The following RAPGEF2 variants were observed in gnomAD, a reference collection of about 807,000 sequenced individuals.
The protein encoded by RAPGEF2 is Rap guanine nucleotide exchange factor 2, also known as PDZ domain containing guanine nucleotide exchange factor (GEF) 1.
RAPGEF2 carries 54 observed loss-of-function variants against 186.7 expected under a neutral mutation model. That is an observed-to-expected ratio of 0.29 (90% confidence interval 0.23 to 0.36). The LOEUF (loss-of-function observed/expected upper bound fraction) is 0.36, where lower values mean the gene tolerates loss of function less well. RAPGEF2 is among the 10% of genes least tolerant of loss of function. RAPGEF2 has a pLI of 1.00. For synonymous variants in RAPGEF2, 712 were observed against 705.9 expected (o/e 1.01, Z -0.14); for missense variants, 1,532 against 2,045.0 (o/e 0.75, Z 4.84).
At chr4:159,244,016 C>T (rs1251584745) in intron 7 of RAPGEF2, among the ~76,000 whole-genome samples, 1 of 151,842 alleles carries the variant, frequency 6.6e-6, no homozygotes, top group Non-Finnish European at 1.5e-5. Context: ...AACTCAAGTG[C>T]AAGCTACTTA....
At chr4:159,320,167 A>G (rs1765071572) in intron 9 of RAPGEF2, among the ~76,000 whole-genome samples, 1 of 152,186 alleles carries the variant, frequency 6.6e-6, no homozygotes, top group African/African-American at 2.4e-5. Flanking sequence ...TAAAGAAAAC[A>G]GAGGCTGGAA....
chr4:159,128,412 C>T (rs906277404), intron 1 of RAPGEF2, among the ~76,000 whole-genome samples: 3 of 152,082 alleles, frequency 2.0e-5, no homozygotes, highest in African/African-American at 7.2e-5. Flanking sequence ...GAAAGTACTT[C>T]GCAATGGAAA....
chr4:159,204,734 A>G (rs1749793888), intron 3 of RAPGEF2, among the ~76,000 whole-genome samples: 1 of 152,170 alleles, frequency 6.6e-6, no homozygotes, highest in African/African-American at 2.4e-5. Flanking sequence ...ATGTATTGAA[A>G]TGAAATCAGT....
intron 7 of RAPGEF2, among the ~76,000 whole-genome samples, chr4:159,295,150 G>A (rs1761781985): frequency 6.6e-6 from 1 of 152,116 alleles, no homozygotes; most frequent in African/African-American, 2.4e-5. Context: ...AACATTAAGA[G>A]AAAATATACA....
chr4:159,193,738 G>T (rs900003747), intron 3 of RAPGEF2, among the ~76,000 whole-genome samples: 1 of 152,132 alleles, frequency 6.6e-6, no homozygotes, highest in East Asian at 1.9e-4. Context: ...TATTCCTTAA[G>T]AAAAGACAGC....
At chr4:159,155,675 T>C (rs1479255884) in intron 1 of RAPGEF2, among the ~76,000 whole-genome samples, 1 of 152,192 alleles carries the variant, frequency 6.6e-6, no homozygotes, top group Non-Finnish European at 1.5e-5. Flanking sequence ...AGTGTGACTT[T>C]GGTCTTTCTC....
chr4:159,307,021 A>C (rs916001500), intron 8 of RAPGEF2, among the ~76,000 whole-genome samples: 1 of 152,196 alleles, frequency 6.6e-6, no homozygotes, highest in African/African-American at 2.4e-5. Context: ...AGGAAAAGAG[A>C]CTGAAATATA....
At chr4:159,167,888 A>G (rs1745496852) in intron 1 of RAPGEF2, among the ~76,000 whole-genome samples, 1 of 152,252 alleles carries the variant, frequency 6.6e-6, no homozygotes, top group Admixed American at 6.5e-5. Flanking sequence ...TGTTTAATGT[A>G]GTGGTAGATT....
intron 11 of RAPGEF2, among the ~76,000 whole-genome samples, chr4:159,324,052 A>T (rs1313216688): frequency 1.3e-5 from 2 of 151,978 alleles, no homozygotes; most frequent in Admixed American, 1.3e-4. Context: ...GTGCACCACC[A>T]TGCCCACCTA....
At chr4:159,259,754 A>G (rs2110734698) in intron 7 of RAPGEF2, among the ~76,000 whole-genome samples, 1 of 152,286 alleles carries the variant, frequency 6.6e-6, no homozygotes, top group East Asian at 1.9e-4. Flanking sequence ...CATCTTGTGT[A>G]CCAGAAAATG....
intron 3 of RAPGEF2, among the ~76,000 whole-genome samples, chr4:159,209,256 A>C (rs1008243949): frequency 5.3e-5 from 8 of 152,240 alleles, no homozygotes; most frequent in South Asian, 4.1e-4. Context: ...GACTTAGTTA[A>C]AAGTTATGAA....
chr4:159,275,756 G>A (rs1272857016), intron 7 of RAPGEF2, among the ~76,000 whole-genome samples: 1 of 151,854 alleles, frequency 6.6e-6, no homozygotes, highest in African/African-American at 2.4e-5. Flanking sequence ...ACTAAAAGTG[G>A]CAGAAAAGAA....
At chr4:159,283,797 T>C (rs985387082) in intron 7 of RAPGEF2, among the ~76,000 whole-genome samples, 3 of 152,200 alleles carry the variant, frequency 2.0e-5, no homozygotes, top group Non-Finnish European at 4.4e-5. Context: ...TCTTAAAAAT[T>C]AGTGGTGTTA....
chr4:159,295,883 T>C (rs1761957526), intron 7 of RAPGEF2, among the ~76,000 whole-genome samples: 1 of 152,158 alleles, frequency 6.6e-6, no homozygotes, highest in African/African-American at 2.4e-5. Flanking sequence ...CTTAATCTTT[T>C]ATATAATGAA....
chr4:159,167,369 C>CA (rs1745438202), intron 1 of RAPGEF2, among the ~76,000 whole-genome samples: 1 of 152,110 alleles, frequency 6.6e-6, no homozygotes, highest in Admixed American at 6.5e-5. Context: ...AAAAAAAAGT[C>CA]AGAGTCCAGG....
intron 11 of RAPGEF2, chr4:159,328,578 T>G (rs931367010): frequency 1.3e-5 from 2 of 152,194 alleles, no homozygotes; most frequent in African/African-American, 4.8e-5. Flanking sequence ...GCGGAAAGCA[T>G]GAAAAATATA....
At chr4:159,165,058 G>T (rs1014390604) in intron 1 of RAPGEF2, among the ~76,000 whole-genome samples, 1 of 151,794 alleles carries the variant, frequency 6.6e-6, no homozygotes, top group Admixed American at 6.6e-5. Flanking sequence ...GTTTCTTAAA[G>T]AATTTTTTTT....
At chr4:159,279,266 G>A (rs1759359942) in intron 7 of RAPGEF2, among the ~76,000 whole-genome samples, 1 of 152,204 alleles carries the variant, frequency 6.6e-6, no homozygotes, top group South Asian at 2.1e-4. Flanking sequence ...ACGCCTGGTG[G>A]AGCCATTGGC....
intron 1 of RAPGEF2, among the ~76,000 whole-genome samples, chr4:159,145,671 T>C (rs988523398): frequency 4.6e-5 from 7 of 152,216 alleles, no homozygotes; most frequent in African/African-American, 1.7e-4. Flanking sequence ...CCAATGTGTT[T>C]AGTGGCTACC....
Sources: gnomAD v4.1 joint callset for allele counts (sites outside exome capture counted in the v4.1 genomes callset) on GRCh38, gnomAD v4.1.1 for gene constraint, MANE v1.5 for transcripts, NCBI Gene and HGNC (gene_info 2026-07-23, HGNC 2026-07-21) for gene names.